Variants in LRMDA observed in about 807,000 individuals in gnomAD.
LRMDA encodes leucine-rich melanocyte differentiation-associated protein.
LRMDA carries 18 observed loss-of-function variants against 29.8 expected under a neutral mutation model. The observed-to-expected ratio is 0.60, with a 90% confidence interval of 0.42 to 0.90. The LOEUF (loss-of-function observed/expected upper bound fraction) is 0.90. Ranked by LOEUF, LRMDA falls within the 40% of genes least tolerant of loss-of-function variation. LRMDA has a pLI of 0.00. For synonymous variants in LRMDA, 125 were observed against 109.4 expected, an observed-to-expected ratio of 1.14 and a Z score of -0.89; for missense variants, 273 against 273.9, an observed-to-expected ratio of 1.00 and a Z score of 0.02.
At chr10:75,542,166 T>A (rs1376566695) in intron 2 of LRMDA, among the ~76,000 whole-genome samples, 1 of 152,196 alleles carries the variant, frequency 6.6e-6, no homozygotes, top group Non-Finnish European at 1.5e-5. Context: ...CAGTCTGCAT[T>A]TTCTTGGGCA....
intron 5 of LRMDA, among the ~76,000 whole-genome samples, chr10:76,140,066 C>G (rs986050866): frequency 9.9e-5 from 15 of 152,082 alleles, no homozygotes; most frequent in Admixed American, 3.9e-4. Context: ...AAGCTCTGTT[C>G]CAATCTGAGC....
At chr10:75,749,585 G>A (rs112641798) in intron 2 of LRMDA, among the ~76,000 whole-genome samples, 2 of 149,048 alleles carry the variant, frequency 1.3e-5, no homozygotes, top group Non-Finnish European at 3.0e-5. Context: ...TGAAATTATT[G>A]GTTTTTTGGT....
chr10:76,229,192 A>C (rs1036719269), intron 5 of LRMDA, among the ~76,000 whole-genome samples: 2 of 152,182 alleles, frequency 1.3e-5, no homozygotes, highest in Non-Finnish European at 1.5e-5. Flanking sequence ...TTGGTATTTG[A>C]GTCTGAGAAT....
rs149537716 is a variant in LRMDA, at chr10:75,671,076, T to C, written c.131+232582T>C. Among the ~76,000 whole-genome samples, 560 of 152,236 alleles carry C rather than the reference T, an allele frequency of 3.7e-3. 2 individuals carry two copies. The highest frequency in any genetic ancestry group is 0.012 in the African/African-American group (519 of 41,554). Reference sequence around the variant, plus strand: ...TGGCCATGATTGTGCCTGGGGGTGATGAGGTTTTATAGAGTTTCTAGATCA... The same window carrying C: ...TGGCCATGATTGTGCCTGGGGGTGACGAGGTTTTATAGAGTTTCTAGATCA... On this transcript the variant is annotated intron_variant, in intron 2 of 6. Transcript: ENST00000611255.
intron 5 of LRMDA, among the ~76,000 whole-genome samples, chr10:76,165,752 A>T (rs1378561452): frequency 6.6e-6 from 1 of 152,178 alleles, no homozygotes; most frequent in Non-Finnish European, 1.5e-5. Flanking sequence ...AGAACTCATG[A>T]TCATGAGAAC....
intron 6 of LRMDA, among the ~76,000 whole-genome samples, chr10:76,516,386 C>T (rs929937347): frequency 2.0e-5 from 3 of 151,950 alleles, no homozygotes; most frequent in African/African-American, 7.3e-5. Context: ...GGTACATGTG[C>T]ACAATGTGCA....
chr10:76,120,752 C>T (rs1849771218), intron 5 of LRMDA, among the ~76,000 whole-genome samples: 1 of 151,524 alleles, frequency 6.6e-6, no homozygotes, highest in East Asian at 1.9e-4. Flanking sequence ...AGACCAATAG[C>T]TTTATGTGAG....
intron 5 of LRMDA, among the ~76,000 whole-genome samples, chr10:76,114,417 A>T (rs527621218): frequency 6.6e-6 from 1 of 152,292 alleles, no homozygotes; most frequent in Admixed American, 6.5e-5. Context: ...TATCCATAGA[A>T]CTACCCCACC....
intron 6 of LRMDA, among the ~76,000 whole-genome samples, chr10:76,450,932 ATCC>A (rs1323213485): frequency 6.6e-6 from 1 of 152,204 alleles, no homozygotes; most frequent in African/African-American, 2.4e-5. Flanking sequence ...TTTCAAATAT[ATCC>A]TCCTCATCTG....
intron 5 of LRMDA, among the ~76,000 whole-genome samples, chr10:76,146,532 T>A (rs1278136030): frequency 1.3e-5 from 2 of 152,098 alleles, no homozygotes; most frequent in Non-Finnish European, 2.9e-5. Context: ...TTTTTTGTTT[T>A]CCATTTGCTT....
chr10:76,047,119 C>T (rs1263660637), intron 3 of LRMDA, 45 bp from the exon 4 acceptor site: 1 of 1,610,682 alleles, frequency 6.2e-7, no homozygotes. Context: ...ATGCTCATTG[C>T]TAAGCCTTTT....
chr10:75,916,000 G>A (rs1845925642), intron 2 of LRMDA, among the ~76,000 whole-genome samples: 2 of 152,296 alleles, frequency 1.3e-5, no homozygotes, highest in African/African-American at 4.8e-5. Flanking sequence ...TTTTATAGGT[G>A]CTAGAGTAGG....
chr10:76,148,176 G>A (rs963723343), intron 5 of LRMDA, among the ~76,000 whole-genome samples: 2 of 152,214 alleles, frequency 1.3e-5, no homozygotes, highest in African/African-American at 2.4e-5. Context: ...CAGATCTCAA[G>A]CTGCGTGCTG....
Position 75,777,006 on chromosome 10 carries a change from T to G in LRMDA, c.132-259002T>G, listed in dbSNP as rs562083361. 3.3e-5 allele frequency among the ~76,000 whole-genome samples: 5 copies of G among 152,368 alleles called. No homozygotes were observed. In the East Asian group the frequency reaches 9.6e-4, roughly 29 times the overall value. ...AGGAGGGGGCATTGCCCATGAGGGCTGCAGAGCCGGGGAGGGAAAGCTGGT... is the reference window on the plus strand; with the variant it reads ...AGGAGGGGGCATTGCCCATGAGGGCGGCAGAGCCGGGGAGGGAAAGCTGGT... On this transcript the variant is annotated intron_variant, in intron 2 of 6. Coordinates refer to ENST00000611255, the MANE Select transcript of LRMDA (RefSeq NM_001305581.2).
intron 2 of LRMDA, among the ~76,000 whole-genome samples, chr10:75,529,032 T>C (rs1845446373): frequency 6.6e-6 from 1 of 152,132 alleles, no homozygotes; most frequent in Admixed American, 6.5e-5. Context: ...AAAGGAGCAG[T>C]CTCAGAGGTC....
intron 2 of LRMDA, among the ~76,000 whole-genome samples, chr10:75,691,280 CT>C (rs1842153880): frequency 7.4e-6 from 1 of 134,490 alleles, no homozygotes; most frequent in Non-Finnish European, 1.5e-5. Context: ...ATATATATAT[CT>C]TTTTCTGGTC....
At chr10:76,157,107 T>G (rs1850551757) in intron 5 of LRMDA, among the ~76,000 whole-genome samples, 1 of 152,068 alleles carries the variant, frequency 6.6e-6, no homozygotes, top group South Asian at 2.1e-4. Flanking sequence ...AAGACTAGGT[T>G]GAAAGGGGAG....
chr10:76,491,108 A>G (rs945153008), intron 6 of LRMDA, among the ~76,000 whole-genome samples: 9 of 151,780 alleles, frequency 5.9e-5, no homozygotes, highest in African/African-American at 2.2e-4. Flanking sequence ...TTTTGTTTCT[A>G]TGTATATTGT....
intron 6 of LRMDA, among the ~76,000 whole-genome samples, chr10:76,363,178 G>A (rs12771258): frequency 0.16 from 1,912 of 12,086 alleles, 121 homozygotes; most frequent in Non-Finnish European, 0.18. Context: ...AGAAAGAAAG[G>A]AGGGAGGGAG....
Sources: gnomAD v4.1 joint callset for allele counts (sites outside exome capture counted in the v4.1 genomes callset) on GRCh38, gnomAD v4.1.1 for gene constraint, MANE v1.5 for transcripts, NCBI Gene and HGNC (gene_info 2026-07-23, HGNC 2026-07-21) for gene names.